Variants in VSX2 observed in about 807,000 individuals in gnomAD.
VSX2 encodes the protein visual system homeobox 2.
In VSX2, 28 loss-of-function variants were observed where a neutral mutation model predicts 32.1. That is an observed-to-expected ratio of 0.87 (90% CI 0.65 to 1.20). VSX2 has a LOEUF of 1.20. VSX2 is among the 50% of genes most tolerant of loss of function. The probability of loss-of-function intolerance (pLI) is 0.00; values close to 1 mark genes in which losing one functional copy is unlikely to be tolerated. For synonymous variants in VSX2, 243 were observed against 214.1 expected (o/e 1.14, Z -1.18); for missense variants, 506 against 488.7 (o/e 1.04, Z -0.33).
intron 3 of VSX2, among the ~76,000 whole-genome samples, chr14:74,254,105 G>C (rs1274552265): frequency 6.6e-6 from 1 of 151,922 alleles, no homozygotes; most frequent in Non-Finnish European, 1.5e-5. Context: ...AAGGGCTTGG[G>C]ATGTATTAGA....
Position 74,239,586 on chromosome 14 carries a change from C to G in VSX2, c.25C>G (p.Leu9Val). Residue 9 changes from leucine to valine, a missense_variant, in exon 1 of 5, where the codon CTG becomes GTG. Transcript: ENST00000261980. ...GATGACGGGGAAAGCAGGGGAAGCG[C>G]TGAGCAAGCCCAAATCCGAGACAGT... MTGKAGEA[L>V]SKPKSETVAK... 6.4e-7 allele frequency: 1 copy of G among 1,551,388 alleles called. No individual in the cohort carries two copies. Among genetic ancestry groups the G allele is most frequent in the East Asian group, 2.4e-5 (1 of 40,910 alleles).
Position 74,261,754 on chromosome 14 carries a change from A to T in VSX2, c.*835A>T, listed in dbSNP as rs954193363. The T allele has an allele frequency of 2.6e-5, 4 of 152,142 alleles. No individual in the cohort carries two copies. Among genetic ancestry groups the T allele is most frequent in the Non-Finnish European group, 5.9e-5 (4 of 68,144 alleles). The allele number at this position is 152,142 out of a possible 1,614,324, so 9.4% of individuals were successfully genotyped here. On this transcript the variant is annotated 3_prime_UTR_variant, in exon 5 of 5. Coordinates refer to ENST00000261980, the MANE Select transcript of VSX2 (RefSeq NM_182894.3). ...TTCACTGCACTGTTCAGGAGTCCAAACCTTCTACCCTGGGTCCTCGGGCCC... is the reference window on the plus strand; with the variant it reads ...TTCACTGCACTGTTCAGGAGTCCAATCCTTCTACCCTGGGTCCTCGGGCCC...
Position 74,246,875 on chromosome 14 carries a change from T to C in VSX2, c.579+1587T>C, listed in dbSNP as rs559761264. 2.6e-5 allele frequency among the ~76,000 whole-genome samples: 4 copies of C among 152,136 alleles called. No individual in the cohort carries two copies. In the East Asian group the frequency reaches 5.8e-4, roughly 22 times the overall value. On this transcript the variant is annotated intron_variant, in intron 3 of 4. Transcript: ENST00000261980. ...GTTTGAAACCTGCTGAGCTCAGGAT[T>C]TGGGGGCAGGCTCTCCCTCAGCTGT...
chr14:74,248,357 A>ACAC (rs1566885662), intron 3 of VSX2, among the ~76,000 whole-genome samples: 1 of 103,732 alleles, frequency 9.6e-6, no homozygotes, highest in Non-Finnish European at 2.4e-5. Context: ...AAAAACAAAA[A>ACAC]AAACCAAAAA....
chr14:74,243,228 G>A (rs1432570857), intron 2 of VSX2, among the ~76,000 whole-genome samples: 7 of 152,140 alleles, frequency 4.6e-5, no homozygotes, highest in Non-Finnish European at 1.5e-5. Flanking sequence ...AAAGCGTTTG[G>A]GGGGTGGCGT....
intron 3 of VSX2, among the ~76,000 whole-genome samples, chr14:74,257,716 A>C (rs28710281): frequency 0.53 from 72,809 of 137,406 alleles, 19,807 homozygotes; most frequent in East Asian, 0.82. Flanking sequence ...ACCACCCCCC[A>C]CCCACTTCCC....
chr14:74,241,100 C>A, intron 1 of VSX2, 82 bp from the exon 2 acceptor site: 1 of 1,474,498 alleles, frequency 6.8e-7, no homozygotes. Flanking sequence ...GCGGAGGCAG[C>A]CCGGGGTGGG....
chr14:74,246,866 G>T (rs1821621599), intron 3 of VSX2, among the ~76,000 whole-genome samples: 1 of 152,128 alleles, frequency 6.6e-6, no homozygotes, highest in South Asian at 2.1e-4. Flanking sequence ...AACCTGCTGA[G>T]CTCAGGATTT....
chr14:74,245,880 G>C (rs1428857561), intron 3 of VSX2, among the ~76,000 whole-genome samples: 1 of 152,216 alleles, frequency 6.6e-6, no homozygotes, highest in Admixed American at 6.5e-5. Context: ...GTTTGGCCTA[G>C]GATGTGAGCT....
intron 3 of VSX2, among the ~76,000 whole-genome samples, chr14:74,248,352 C>A (rs75900302): frequency 0.17 from 12,709 of 73,908 alleles, 1,107 homozygotes; most frequent in East Asian, 0.51. Context: ...AAAAAAAAAA[C>A]AAAAAAAACC....
At chr14:74,247,494 C>A (rs2079200400) in intron 3 of VSX2, among the ~76,000 whole-genome samples, 1 of 152,230 alleles carries the variant, frequency 6.6e-6, no homozygotes, top group South Asian at 2.1e-4. Flanking sequence ...GTGCCCCCAG[C>A]TCACTCGGTG....
intron 2 of VSX2, 30 bp from the exon 3 acceptor site, chr14:74,245,135 G>A: frequency 6.2e-7 from 1 of 1,612,992 alleles, no homozygotes; most frequent in Admixed American, 1.7e-5. Context: ...AGTTTCTGGG[G>A]TCCTGAGTGT....
rs773050406 is a variant in VSX2 at position 74,260,880 on chromosome 14, G to A, written c.1047G>A (p.Ala349=). The A allele has an allele frequency of 2.3e-5, 36 of 1,565,798 alleles. No individual in the cohort carries two copies. The highest frequency in any genetic ancestry group is 2.7e-5 in the African/African-American group (2 of 73,592). ...AGGCCATGGATGAAGACAGGCCGGC[G>A]GAGAGGCTCAGTCCACCGCAGCTGG... ...EEEAMDEDRP[A]ERLSPPQLED... Residue 349 remains alanine, a synonymous_variant, in exon 5 of 5, where the codon GCG becomes GCA. Coordinates refer to ENST00000261980, the MANE Select transcript of VSX2 (RefSeq NM_182894.3).
At chr14:74,248,863 G>A (rs1225152508) in intron 3 of VSX2, among the ~76,000 whole-genome samples, 1 of 152,224 alleles carries the variant, frequency 6.6e-6, no homozygotes, top group Non-Finnish European at 1.5e-5. Flanking sequence ...AGAAGAAAGA[G>A]GTGAGATCCC....
intron 3 of VSX2, among the ~76,000 whole-genome samples, chr14:74,248,025 A>T (rs1185505332): frequency 6.6e-6 from 1 of 151,962 alleles, no homozygotes; most frequent in Non-Finnish European, 1.5e-5. Flanking sequence ...ACAGATGGGG[A>T]ACCTGAGGCA....
intron 3 of VSX2, among the ~76,000 whole-genome samples, chr14:74,248,402 C>T (rs1452093821): frequency 6.7e-6 from 1 of 148,172 alleles, no homozygotes; most frequent in Non-Finnish European, 1.5e-5. Flanking sequence ...AAAAGAAATT[C>T]CTGGCCAGGT....
Position 74,259,715 on chromosome 14 carries a change from C to T in VSX2, c.693C>T (p.Pro231=). The T allele has an allele frequency of 6.2e-7, 1 of 1,613,812 alleles. No individual in the cohort carries two copies. Among genetic ancestry groups the T allele is most frequent in the Non-Finnish European group, 8.5e-7 (1 of 1,179,770 alleles). ...GGGCCATGGTGCGGCACTCCATCCC[C>T]CTGCCCGAGTCCATCCTCAAGTCAG... ...LYGAMVRHSI[P]LPESILKSAK... The change falls in exon 4 of 5, where the codon CCC becomes CCT. Residue 231 remains proline, a synonymous_variant. Transcript: ENST00000261980.
chr14:74,248,893 G>C (rs574233712), intron 3 of VSX2, among the ~76,000 whole-genome samples: 1 of 152,174 alleles, frequency 6.6e-6, no homozygotes, highest in Non-Finnish European at 1.5e-5. Flanking sequence ...GGTGCCTCCT[G>C]AGTATTCCCC....
intron 3 of VSX2, among the ~76,000 whole-genome samples, chr14:74,251,819 CA>C (rs2079230822): frequency 6.6e-6 from 1 of 151,872 alleles, no homozygotes; most frequent in African/African-American, 2.4e-5. Context: ...TGAGTGGGTG[CA>C]GAGTGTGAAG....
Sources: gnomAD v4.1 joint callset for allele counts (sites outside exome capture counted in the v4.1 genomes callset) on GRCh38, gnomAD v4.1.1 for gene constraint, MANE v1.5 for transcripts, NCBI Gene and HGNC (gene_info 2026-07-23, HGNC 2026-07-21) for gene names.